Variants in NADSYN1 observed in about 807,000 individuals in gnomAD.
NADSYN1 encodes the protein NAD synthetase 1.
In NADSYN1, 80 loss-of-function variants were observed where a neutral mutation model predicts 99.3. That is an observed-to-expected ratio of 0.81 (90% CI 0.67 to 0.97). The LOEUF (loss-of-function observed/expected upper bound fraction) is 0.97. NADSYN1 is among the 50% of genes least tolerant of loss of function. The probability of loss-of-function intolerance (pLI) is 0.00; values close to 1 mark genes in which losing one functional copy is unlikely to be tolerated. For synonymous variants in NADSYN1, 385 were observed against 372.1 expected, an observed-to-expected ratio of 1.03 and a Z score of -0.40; for missense variants, 859 against 948.5, an observed-to-expected ratio of 0.91 and a Z score of 1.24.
At chr11:71,483,198 G>A (rs563560823) in intron 14 of NADSYN1, among the ~76,000 whole-genome samples, 181 bp downstream of exon 14, 21 of 152,198 alleles carry the variant, frequency 1.4e-4, no homozygotes, top group African/African-American at 4.8e-4. Flanking sequence ...TCCACTGTAC[G>A]GATAGACCAG....
At chr11:71,465,682 C>T (rs184752923) in intron 5 of NADSYN1, among the ~76,000 whole-genome samples, 276 of 152,236 alleles carry the variant, frequency 1.8e-3, no homozygotes, top group African/African-American at 6.4e-3. Context: ...GGTAAAATGC[C>T]CCGGTTGAGA....
intron 5 of NADSYN1, among the ~76,000 whole-genome samples, chr11:71,468,607 A>G (rs1253838232): frequency 6.6e-6 from 1 of 152,264 alleles, no homozygotes. Context: ...TTAAAAGTCC[A>G]GTAGAAAAAG....
chr11:71,476,849 G>A, intron 9 of NADSYN1: 1 of 986,270 alleles, frequency 1.0e-6, no homozygotes, highest in Non-Finnish European at 1.2e-6. Context: ...GTCCTCGGGG[G>A]TCTGTATATT....
Position 71,481,372 on chromosome 11 carries a change from TG to T in NADSYN1, c.1017del (p.Trp339CysfsTer6). The T allele has an allele frequency of 1.2e-6, 2 of 1,614,132 alleles. No homozygotes were observed. Among genetic ancestry groups the T allele is most frequent in the Non-Finnish European group, 1.7e-6 (2 of 1,180,022 alleles). On this transcript the variant is annotated frameshift_variant, in exon 12 of 21. Coordinates refer to ENST00000319023, the MANE Select transcript of NADSYN1 (RefSeq NM_018161.5). LOFTEE classifies it high-confidence loss of function. ...GCCCTGCAGCCTTGGACCTGCCTGC[TG>T]GCTCTGGGATTTTTTAAGACGAAGT... ...EEEISLGPAC[W>X]LWDFLRRSQQ... is the part of the protein sequence containing the mutation.
At chr11:71,482,670 C>T (rs1416899913) in intron 13 of NADSYN1, 179 bp from the exon 14 acceptor site, 5 of 457,260 alleles carry the variant, frequency 1.1e-5, no homozygotes, top group South Asian at 9.2e-5. Context: ...GGGGTGTAGA[C>T]TGGGGTGGAG....
At chr11:71,483,093 T>C in intron 14 of NADSYN1, 76 bp downstream of exon 14, 1 of 1,551,994 alleles carries the variant, frequency 6.4e-7, no homozygotes, top group African/African-American at 1.4e-5. Flanking sequence ...CGCCTGTGAG[T>C]GCATTGGTGA....
Position 71,491,904 on chromosome 11 carries a change from G to T in NADSYN1, c.1764+1G>T. On this transcript the variant is annotated splice_donor_variant, in intron 18 of 20. Transcript: ENST00000319023. LOFTEE classifies it high-confidence loss of function. ...TGGACAGGTGTCCCAGACCGACGAG[G>T]TAATGGCGGTGGCTTTGCCATGATG... 6.2e-7 allele frequency: 1 copy of T among 1,613,762 alleles called. No individual in the cohort carries two copies. The highest frequency in any genetic ancestry group is 1.1e-5 in the South Asian group (1 of 91,018).
At position 71,453,276 on chromosome 11, in the gene NADSYN1, G is replaced by A. The variant is rs752959671; in HGVS notation, c.-21G>A. 1.2e-6 allele frequency: 2 copies of A among 1,611,202 alleles called. No homozygotes were observed. The highest frequency in any genetic ancestry group is 3.3e-5 in the Admixed American group (2 of 59,868). ...TCTTGCTGTCCCCCGCTGGCCTCCT[G>A]CCCAAGCGACTGCGGCCAGGATGGG... On this transcript the variant is annotated 5_prime_UTR_variant, in exon 1 of 21. Transcript: ENST00000319023.
intron 16 of NADSYN1, among the ~76,000 whole-genome samples, chr11:71,490,092 G>A (rs1376761518): frequency 1.3e-5 from 2 of 152,192 alleles, no homozygotes; most frequent in Admixed American, 6.5e-5. Flanking sequence ...CCTGGCTCAA[G>A]TGAAGGTGTG....
At chr11:71,500,636 G>C (rs1949851037) in intron 20 of NADSYN1, among the ~76,000 whole-genome samples, 1 of 152,224 alleles carries the variant, frequency 6.6e-6, no homozygotes, top group South Asian at 2.1e-4. Context: ...GTAAGGAAGA[G>C]ATACTGTATC....
chr11:71,476,866 G>A, intron 9 of NADSYN1: 1 of 986,968 alleles, frequency 1.0e-6, no homozygotes, highest in Non-Finnish European at 1.2e-6. Context: ...TATTTAGTGA[G>A]CACCAGGCAG....
intron 5 of NADSYN1, among the ~76,000 whole-genome samples, chr11:71,470,900 T>G (rs572878910): frequency 6.6e-6 from 1 of 152,322 alleles, no homozygotes; most frequent in Admixed American, 6.5e-5. Flanking sequence ...TTATTTGTAT[T>G]TTTTTTCTGG....
chr11:71,471,277 C>G (rs184729361), intron 5 of NADSYN1, among the ~76,000 whole-genome samples: 38 of 152,320 alleles, frequency 2.5e-4, no homozygotes, highest in Middle Eastern at 3.4e-3. Flanking sequence ...TTAGAGAAAG[C>G]TGAGGTTTCT....
At position 71,497,083 on chromosome 11, in the gene NADSYN1, G is replaced by C. The variant is rs1008920426; in HGVS notation, c.1765-400G>C. 5 of 237,778 alleles carry C rather than the reference G, an allele frequency of 2.1e-5. No individual in the cohort carries two copies. The East Asian group carries it at 5.4e-4, about 26-fold the overall frequency. 14.7% of individuals were successfully genotyped at this position (237,778 alleles called of 1,614,324 possible). On this transcript the variant is annotated intron_variant, in intron 18 of 20. Coordinates refer to ENST00000319023, the MANE Select transcript of NADSYN1 (RefSeq NM_018161.5). ...TGTAGAGACAAGGTCTTGCCATGTT[G>C]CCCAGGCTGGCCTTAAACCCCTGGG... is the stretch of plus-strand genomic sequence containing the variant.
chr11:71,501,114 C>G (rs996571794), intron 20 of NADSYN1, among the ~76,000 whole-genome samples, 188 bp from the exon 21 acceptor site: 3 of 152,248 alleles, frequency 2.0e-5, no homozygotes, highest in African/African-American at 7.2e-5. Flanking sequence ...TCTGCAGTGA[C>G]AGCTATGCGT....
chr11:71,475,000 G>A (rs1013792747), intron 9 of NADSYN1: 8 of 200,698 alleles, frequency 4.0e-5, no homozygotes, highest in South Asian at 2.8e-4. Context: ...CAGAGGGGAC[G>A]GCCCCCGCTG....
chr11:71,468,034 G>A (rs1461405230), intron 5 of NADSYN1, among the ~76,000 whole-genome samples: 2 of 152,244 alleles, frequency 1.3e-5, no homozygotes, highest in Admixed American at 1.3e-4. Context: ...TCGTAGTGGT[G>A]AAGCCTGGAG....
At position 71,487,549 on chromosome 11, in the gene NADSYN1, G is replaced by A. The variant is rs114599291; in HGVS notation, c.1562+1901G>A. On this transcript the variant is annotated intron_variant, in intron 16 of 20. Transcript: ENST00000319023. ...GATGCCATTTAGAAAATAAACAAAC[G>A]GGCTGGGCACAGTGGCTCACGTCTG... Among the ~76,000 whole-genome samples, 322 of 152,142 alleles carry A rather than the reference G, an allele frequency of 2.1e-3. 1 individual carries two copies. The highest frequency in any genetic ancestry group is 7.5e-3 in the African/African-American group (311 of 41,530).
intron 2 of NADSYN1, among the ~76,000 whole-genome samples, chr11:71,458,111 T>C (rs1050240623): frequency 3.9e-5 from 6 of 152,196 alleles, no homozygotes; most frequent in African/African-American, 1.4e-4. Flanking sequence ...TCTTCTCTTG[T>C]AGATCAGTGT....
Sources: gnomAD v4.1 joint callset for allele counts (sites outside exome capture counted in the v4.1 genomes callset) on GRCh38, gnomAD v4.1.1 for gene constraint, MANE v1.5 for transcripts, NCBI Gene and HGNC (gene_info 2026-07-23, HGNC 2026-07-21) for gene names.